Variants in WLS observed in about 807,000 individuals in gnomAD.
WLS encodes Wnt ligand secretion mediator.
A neutral mutation model predicts 62.8 loss-of-function variants in WLS; 23 were observed. The observed-to-expected ratio is 0.37, with a 90% CI of 0.26 to 0.52. The LOEUF (loss-of-function observed/expected upper bound fraction) is 0.52. Among genes scored for constraint, WLS ranks in the 20% least tolerant of loss-of-function variants. The pLI is 0.92. For missense variants in WLS, 615 were observed against 697.3 expected, an observed-to-expected ratio of 0.88 and a Z score of 1.33; for synonymous variants, 246 against 244.1, an observed-to-expected ratio of 1.01 and a Z score of -0.07.
In WLS at chr1:68,125,906, A is replaced by G; in HGVS notation, c.*320T>C. The stretch of plus-strand genomic sequence containing the variant: ...GCCCAAACCATCCCCCAAGGAATAC[A>G]CCCCCACCCCACCCCCACATGAGGT... On this transcript the variant is annotated 3_prime_UTR_variant, in exon 12 of 12. Transcript: ENST00000262348. 2 of 1,088,822 alleles carry G rather than the reference A, an allele frequency of 1.8e-6. No homozygotes were observed. Among genetic ancestry groups the G allele is most frequent in the Non-Finnish European group, 2.2e-6 (2 of 895,838 alleles). 67.4% of individuals were successfully genotyped at this position (1,088,822 alleles called of 1,614,324 possible).
intron 1 of WLS, among the ~76,000 whole-genome samples, chr1:68,196,167 T>C (rs762357229): frequency 6.6e-6 from 1 of 151,348 alleles, no homozygotes; most frequent in African/African-American, 2.4e-5. Flanking sequence ...AATAAATATA[T>C]AATAATAAAT....
intron 1 of WLS, 58 bp from the exon 2 acceptor site, chr1:68,194,285 G>A: frequency 8.2e-6 from 13 of 1,577,140 alleles, no homozygotes; most frequent in Non-Finnish European, 1.1e-5. Flanking sequence ...TACTGTTTCT[G>A]GTTAATATTC....
chr1:68,128,954 T>C (rs1646476332), intron 11 of WLS, among the ~76,000 whole-genome samples: 1 of 150,652 alleles, frequency 6.6e-6, no homozygotes, highest in Non-Finnish European at 1.5e-5. Flanking sequence ...TGCCTCTTCT[T>C]AAATATTCAA....
intron 2 of WLS, among the ~76,000 whole-genome samples, chr1:68,175,252 C>T (rs1437452579): frequency 6.6e-6 from 1 of 152,170 alleles, no homozygotes; most frequent in Admixed American, 6.5e-5. Flanking sequence ...TATGTGTAGA[C>T]ATTTTCACCC....
chr1:68,162,399 A>G, intron 2 of WLS: 1 of 1,613,876 alleles, frequency 6.2e-7, no homozygotes. Context: ...GATACAGCAA[A>G]TCCTACAGAG....
At chr1:68,181,391 C>T (rs943445311) in intron 2 of WLS, among the ~76,000 whole-genome samples, 2 of 152,174 alleles carry the variant, frequency 1.3e-5, no homozygotes, top group African/African-American at 4.8e-5. Flanking sequence ...AGAATATCCT[C>T]ATTTATATTC....
intron 1 of WLS, chr1:68,202,778 G>C (rs1041025117): frequency 2.0e-5 from 3 of 152,190 alleles, no homozygotes; most frequent in Non-Finnish European, 4.4e-5. Context: ...TATGATGTCA[G>C]AAACCCAGCA....
chr1:68,167,827 C>A (rs1472724826), intron 2 of WLS, among the ~76,000 whole-genome samples: 1 of 152,104 alleles, frequency 6.6e-6, no homozygotes, highest in East Asian at 1.9e-4. Flanking sequence ...AAGGCACTGT[C>A]GTTCGTTACA....
chr1:68,210,838 G>T (rs1221050306), intron 1 of WLS, among the ~76,000 whole-genome samples: 1 of 152,136 alleles, frequency 6.6e-6, no homozygotes, highest in Admixed American at 6.5e-5. Context: ...CCTTGTGGAG[G>T]ATTTTTCCCC....
chr1:68,139,037 C>T (rs1646650591), intron 10 of WLS, among the ~76,000 whole-genome samples: 1 of 152,154 alleles, frequency 6.6e-6, no homozygotes, highest in Admixed American at 6.5e-5. Flanking sequence ...AAATTAAGGT[C>T]TAAGTATAGG....
At chr1:68,188,524 G>A (rs185868414) in intron 2 of WLS, among the ~76,000 whole-genome samples, 268 of 152,300 alleles carry the variant, frequency 1.8e-3, no homozygotes, top group African/African-American at 6.3e-3. Context: ...AACATCACAA[G>A]GCCAGTAATG....
chr1:68,193,636 G>T (rs541888225), intron 2 of WLS, among the ~76,000 whole-genome samples: 7 of 152,118 alleles, frequency 4.6e-5, no homozygotes, highest in Admixed American at 2.6e-4. Flanking sequence ...CTAGAGAGGT[G>T]GTGAAGCTTG....
chr1:68,207,984 T>C (rs1649352893), intron 1 of WLS, among the ~76,000 whole-genome samples: 1 of 152,232 alleles, frequency 6.6e-6, no homozygotes, highest in Non-Finnish European at 1.5e-5. Context: ...TGTTCATCAA[T>C]ATTTAAGGAA....
chr1:68,173,653 G>A (rs533807803), intron 2 of WLS, among the ~76,000 whole-genome samples: 3 of 152,114 alleles, frequency 2.0e-5, no homozygotes, highest in South Asian at 2.1e-4. Context: ...GGATGGGGTC[G>A]CTCCATGGCA....
chr1:68,201,628 C>T (rs553689546), intron 1 of WLS, among the ~76,000 whole-genome samples: 4 of 152,166 alleles, frequency 2.6e-5, no homozygotes, highest in East Asian at 1.9e-4. Context: ...AAATGGGGTA[C>T]GCTAAGTGAA....
chr1:68,184,339 T>C lies in WLS; in HGVS notation c.379+9616A>G, dbSNP rs369917064. On this transcript the variant is annotated intron_variant, in intron 2 of 11. Transcript: ENST00000262348. ...CATTAGAGTGACAACCCATTTCCAG[T>C]GGGTACCGTTTTAGCCAACCCAAAC... Among the ~76,000 whole-genome samples the C allele has an allele frequency of 2.0e-5, 3 of 152,314 alleles. No individual in the cohort carries two copies. In the East Asian group the frequency reaches 5.8e-4, roughly 29 times the overall value.
intron 1 of WLS, among the ~76,000 whole-genome samples, chr1:68,220,239 A>G (rs568853754): frequency 1.7e-4 from 26 of 152,348 alleles, no homozygotes; most frequent in Non-Finnish European, 3.4e-4. Context: ...CTGGGTTTCT[A>G]ATTTTATCCA....
chr1:68,108,725 G>C (rs1339358377), intron 11 of WLS, among the ~76,000 whole-genome samples: 2 of 152,144 alleles, frequency 1.3e-5, no homozygotes, highest in African/African-American at 4.8e-5. Context: ...AGCTAATGGT[G>C]ACCATAATGT....
intron 11 of WLS, among the ~76,000 whole-genome samples, chr1:68,109,943 C>G (rs1646198965): frequency 6.8e-6 from 1 of 146,248 alleles, no homozygotes; most frequent in African/African-American, 2.5e-5. Flanking sequence ...AAAACCAAAT[C>G]CTAAACTGAT....
Sources: gnomAD v4.1 joint callset for allele counts (sites outside exome capture counted in the v4.1 genomes callset) on GRCh38, gnomAD v4.1.1 for gene constraint, MANE v1.5 for transcripts, NCBI Gene and HGNC (gene_info 2026-07-23, HGNC 2026-07-21) for gene names.